The following S100Z variants were observed in gnomAD, a reference collection of about 807,000 sequenced individuals.
S100Z encodes protein S100-Z.
In S100Z, 11 loss-of-function variants were observed where a neutral mutation model predicts 8.5. That is an observed-to-expected ratio of 1.30 (90% CI 0.82 to 2.15). The LOEUF (loss-of-function observed/expected upper bound fraction) is 2.15, where lower values mean the gene tolerates loss of function less well. S100Z is among the 30% of genes most tolerant of loss of function. The pLI is 0.00. For missense variants in S100Z, 126 were observed against 117.9 expected (o/e 1.07, Z -0.32); for synonymous variants, 34 against 43.8 (o/e 0.78, Z 0.89).
the S100Z span, among the ~76,000 whole-genome samples, chr5:76,934,236 C>T: frequency 1.3e-5 from 2 of 152,220 alleles, no homozygotes; most frequent in African/African-American, 4.8e-5. Flanking sequence ...GCTTAAAAAA[C>T]ACAGATTTCT....
chr5:76,881,083 C>T (rs1360326399), intron 4 of S100Z, among the ~76,000 whole-genome samples: 2 of 152,134 alleles, frequency 1.3e-5, no homozygotes, highest in African/African-American at 4.8e-5. Flanking sequence ...AATAGGACTT[C>T]ATCAGGGTGA....
At chr5:76,859,949 G>A (rs1262020708) in intron 1 of S100Z, among the ~76,000 whole-genome samples, 1 of 152,106 alleles carries the variant, frequency 6.6e-6, no homozygotes, top group Non-Finnish European at 1.5e-5. Context: ...AGTCTTTTAA[G>A]GCTAATTCTT....
At chr5:76,879,020 A>T (rs1460912778) in intron 4 of S100Z, among the ~76,000 whole-genome samples, 1 of 152,164 alleles carries the variant, frequency 6.6e-6, no homozygotes, top group African/African-American at 2.4e-5. Context: ...CTGGCTAAAA[A>T]GCCATATTTC....
Position 76,863,500 on chromosome 5 carries a change from A to G in S100Z, c.-175-6666A>G, listed in dbSNP as rs537949449. Among the ~76,000 whole-genome samples the G allele has an allele frequency of 1.6e-4, 25 of 152,268 alleles. No individual in the cohort carries two copies. The South Asian group carries it at 5.0e-3, about 30-fold the overall frequency. On this transcript the variant is annotated intron_variant, in intron 1 of 4. Coordinates refer to ENST00000317593, the MANE Select transcript of S100Z (RefSeq NM_130772.4). ...ATGCATTTTTAGTAATATTTTGAGC[A>G]TGTGTCCTCAATTATATTATCTCTT...
At chr5:76,911,470 G>A (rs539397759) in intron 4 of S100Z, among the ~76,000 whole-genome samples, 1 of 152,286 alleles carries the variant, frequency 6.6e-6, no homozygotes, top group East Asian at 1.9e-4. Context: ...CTGACTCCCA[G>A]TTTCTCTTTG....
the S100Z span, among the ~76,000 whole-genome samples, chr5:76,945,246 G>A: frequency 3.3e-5 from 5 of 152,162 alleles, no homozygotes; most frequent in Non-Finnish European, 7.4e-5. Context: ...ATGCACTGCG[G>A]AAAGCTGCAG....
At chr5:76,903,168 A>G (rs1744295579) in intron 4 of S100Z, among the ~76,000 whole-genome samples, 1 of 152,148 alleles carries the variant, frequency 6.6e-6, no homozygotes, top group Admixed American at 6.6e-5. Context: ...GCCTGGGTGA[A>G]GAGTAAGACT....
Position 76,903,275 on chromosome 5 carries a change from G to C in S100Z, c.*3-17442G>C, listed in dbSNP as rs112349231. Among the ~76,000 whole-genome samples the C allele has an allele frequency of 4.4e-3, 672 of 152,170 alleles. 3 individuals carry two copies. Among genetic ancestry groups the C allele is most frequent in the Non-Finnish European group, 6.6e-3 (450 of 67,998 alleles). On this transcript the variant is annotated intron_variant, in intron 4 of 4. Transcript: ENST00000317593. Reference sequence around the variant, plus strand: ...CCTAGAGACCACTGATTAGTTTTTTGTTTTCATGGTTTTGCGTTTTCCATC... The same window carrying C: ...CCTAGAGACCACTGATTAGTTTTTTCTTTTCATGGTTTTGCGTTTTCCATC...
intron 4 of S100Z, among the ~76,000 whole-genome samples, chr5:76,919,751 T>G (rs1425982002): frequency 6.6e-6 from 1 of 151,666 alleles, no homozygotes; most frequent in Non-Finnish European, 1.5e-5. Flanking sequence ...GGACTACAAG[T>G]GCATGCCACC....
chr5:76,893,222 C>G (rs1260277845), intron 4 of S100Z, among the ~76,000 whole-genome samples: 1 of 152,068 alleles, frequency 6.6e-6, no homozygotes, highest in African/African-American at 2.4e-5. Flanking sequence ...AAAATTGCGG[C>G]AGAATGAATT....
chr5:76,925,251 A>G (rs553012736), downstream of S100Z, among the ~76,000 whole-genome samples: 25 of 152,232 alleles, frequency 1.6e-4, no homozygotes, highest in South Asian at 2.1e-4. Flanking sequence ...AACACGTTCT[A>G]TTGGTCGTAC....
downstream of S100Z, among the ~76,000 whole-genome samples, chr5:76,922,862 T>G (rs1408553715): frequency 1.3e-5 from 2 of 152,150 alleles, no homozygotes; most frequent in Non-Finnish European, 2.9e-5. Context: ...CCTCTTAGAA[T>G]TCACATTTTG....
At chr5:76,944,008 T>A in the S100Z span, among the ~76,000 whole-genome samples, 1 of 141,922 alleles carries the variant, frequency 7.0e-6, no homozygotes, top group Non-Finnish European at 1.5e-5. Context: ...CATGACTGAG[T>A]TTTTTTTTTG....
At chr5:76,936,315 G>A in the S100Z span, among the ~76,000 whole-genome samples, 1 of 151,838 alleles carries the variant, frequency 6.6e-6, no homozygotes, top group Non-Finnish European at 1.5e-5. Context: ...CAATAAAAAC[G>A]AGAAATCATA....
chr5:76,944,253 G>A, the S100Z span, among the ~76,000 whole-genome samples: 1 of 152,288 alleles, frequency 6.6e-6, no homozygotes, highest in Admixed American at 6.5e-5. Flanking sequence ...CAGCATTTGA[G>A]TGGTGACGAA....
the S100Z span, among the ~76,000 whole-genome samples, chr5:76,945,584 A>G: frequency 6.6e-6 from 1 of 152,220 alleles, no homozygotes; most frequent in Non-Finnish European, 1.5e-5. Flanking sequence ...TCTTTACTCC[A>G]CTGAGATGTT....
intron 4 of S100Z, among the ~76,000 whole-genome samples, chr5:76,915,856 A>T (rs531797908): frequency 3.2e-4 from 48 of 152,316 alleles, no homozygotes; most frequent in African/African-American, 1.1e-3. Flanking sequence ...GCATTAATTT[A>T]AAATGTTATG....
intron 4 of S100Z, among the ~76,000 whole-genome samples, chr5:76,878,713 A>T (rs1167050779): frequency 6.6e-6 from 1 of 152,198 alleles, no homozygotes; most frequent in Non-Finnish European, 1.5e-5. Flanking sequence ...TAAAGAAAGG[A>T]CTATAGAGAT....
At chr5:76,912,368 G>T (rs1396692268) in intron 4 of S100Z, among the ~76,000 whole-genome samples, 2 of 152,196 alleles carry the variant, frequency 1.3e-5, no homozygotes, top group African/African-American at 4.8e-5. Context: ...TGATCTCTTA[G>T]AAGTCCCCTT....
Sources: gnomAD v4.1 joint callset for allele counts (sites outside exome capture counted in the v4.1 genomes callset) on GRCh38, gnomAD v4.1.1 for gene constraint, MANE v1.5 for transcripts, NCBI Gene and HGNC (gene_info 2026-07-23, HGNC 2026-07-21) for gene names.